Variants in GABRG3 observed in about 807,000 individuals in gnomAD.
GABRG3 encodes gamma-aminobutyric acid receptor subunit gamma-3.
Under a neutral mutation model 48.8 loss-of-function variants are expected in GABRG3, and 25 were observed. The ratio of observed to expected loss-of-function variants is 0.51; its 90% CI spans 0.37 to 0.72. The LOEUF is 0.72. Among genes scored for constraint, GABRG3 ranks in the 30% least tolerant of loss-of-function variants. The probability of loss-of-function intolerance (pLI) is 0.00; values close to 1 mark genes in which losing one functional copy is unlikely to be tolerated. For missense variants in GABRG3, 394 were observed against 577.9 expected, an observed-to-expected ratio of 0.68 and a Z score of 3.26; for synonymous variants, 227 against 217.6, an observed-to-expected ratio of 1.04 and a Z score of -0.38.
At chr15:27,007,182 C>T (rs140777714) in intron 2 of GABRG3, among the ~76,000 whole-genome samples, 8 of 151,660 alleles carry the variant, frequency 5.3e-5, no homozygotes, top group Middle Eastern at 3.4e-3. Context: ...CAGGCTCAAG[C>T]GATCCTCCCA....
intron 5 of GABRG3, among the ~76,000 whole-genome samples, chr15:27,391,995 A>C (rs1443418243): frequency 6.6e-6 from 1 of 152,232 alleles, no homozygotes; most frequent in East Asian, 1.9e-4. Context: ...GTCCTGGTAC[A>C]TACCTTTGCT....
chr15:27,312,924 A>C (rs1318123758), intron 3 of GABRG3, among the ~76,000 whole-genome samples: 2 of 151,004 alleles, frequency 1.3e-5, no homozygotes, highest in African/African-American at 4.9e-5. Flanking sequence ...TCTAAAAGTT[A>C]AAAAAAAGTA....
In GABRG3 at chr15:27,308,195, C is replaced by CGT. The variant is rs1555370270; in HGVS notation, c.271-18614_271-18613insGT. ...GTTTATATATCCAAACATATATAAACATGTTTATATATCCAAACATATATA... is the reference window on the plus strand; with the variant it reads ...GTTTATATATCCAAACATATATAAACGTATGTTTATATATCCAAACATATATA... On this transcript the variant is annotated intron_variant, in intron 3 of 9. Coordinates refer to ENST00000615808, the MANE Select transcript of GABRG3 (RefSeq NM_033223.5). Among the ~76,000 whole-genome samples, 18 of 25,070 alleles carry CGT rather than the reference C, an allele frequency of 7.2e-4. 5 individuals carry two copies. The highest frequency in any genetic ancestry group is 3.6e-3 in the African/African-American group (18 of 4,942). The allele number at this position is 25,070 out of a possible 152,430, so 16.4% of individuals were successfully genotyped here. A position where few individuals can be genotyped will look rare whatever the true frequency, so the allele number is the denominator to read the frequency against.
At chr15:27,003,752 G>A (rs1374433948) in intron 2 of GABRG3, among the ~76,000 whole-genome samples, 4 of 152,114 alleles carry the variant, frequency 2.6e-5, no homozygotes, top group Non-Finnish European at 1.5e-5. Flanking sequence ...CCTCCCAGAC[G>A]GGGTGGTGGC....
At chr15:27,032,275 G>C (rs1896099911) in intron 3 of GABRG3, among the ~76,000 whole-genome samples, 1 of 152,134 alleles carries the variant, frequency 6.6e-6, no homozygotes, top group South Asian at 2.1e-4. Context: ...CTTGCAATCT[G>C]TTTTCTGGAA....
At chr15:27,206,495 G>T (rs1013108381) in intron 3 of GABRG3, among the ~76,000 whole-genome samples, 4 of 152,158 alleles carry the variant, frequency 2.6e-5, no homozygotes, top group Admixed American at 6.5e-5. Flanking sequence ...GTTAGAGTAT[G>T]TGGCGTGTGC....
chr15:27,362,682 ACT>A (rs1007869128), intron 5 of GABRG3: 1 of 152,132 alleles, frequency 6.6e-6, no homozygotes, highest in Non-Finnish European at 1.5e-5. Context: ...CACCAGGAAC[ACT>A]CTGCTCAGCA....
intron 2 of GABRG3, among the ~76,000 whole-genome samples, chr15:27,019,350 A>G (rs141150387): frequency 0.015 from 2,243 of 152,134 alleles, 46 homozygotes; most frequent in African/African-American, 0.05. Context: ...GATTACAGGC[A>G]TGAGCCACCG....
chr15:27,382,566 T>C (rs1895806432), intron 5 of GABRG3, among the ~76,000 whole-genome samples: 1 of 152,170 alleles, frequency 6.6e-6, no homozygotes, highest in African/African-American at 2.4e-5. Flanking sequence ...AGGCATGACT[T>C]GATTCATGCT....
At chr15:27,285,031 G>T in intron 3 of GABRG3, among the ~76,000 whole-genome samples, 1 of 152,046 alleles carries the variant, frequency 6.6e-6, no homozygotes, top group East Asian at 1.9e-4. Flanking sequence ...TTTTACTTTG[G>T]ATATAATAAA....
At chr15:27,071,191 A>G (rs560793750) in intron 3 of GABRG3, among the ~76,000 whole-genome samples, 4 of 152,154 alleles carry the variant, frequency 2.6e-5, no homozygotes, top group Admixed American at 2.6e-4. Flanking sequence ...CTGTGTTGAT[A>G]TTGTCATTTT....
At chr15:27,113,968 C>G (rs1897599509) in intron 3 of GABRG3, among the ~76,000 whole-genome samples, 1 of 152,192 alleles carries the variant, frequency 6.6e-6, no homozygotes, top group South Asian at 2.1e-4. Context: ...TTAAAAAATA[C>G]CTTTCTAAAG....
intron 2 of GABRG3, among the ~76,000 whole-genome samples, chr15:26,998,567 A>T (rs1336125519): frequency 1.3e-5 from 2 of 152,094 alleles, no homozygotes; most frequent in African/African-American, 4.8e-5. Context: ...ACTCCCCCTA[A>T]CTATGAGGAA....
At position 27,348,132 on chromosome 15, in the gene GABRG3, G is replaced by A. The variant is rs138743749; in HGVS notation, c.574+19244G>A. Among the ~76,000 whole-genome samples the A allele has an allele frequency of 5.7e-3, 654 of 115,166 alleles. 9 individuals carry two copies. The highest frequency in any genetic ancestry group is 0.025 in the African/African-American group (620 of 25,222). The allele number at this position is 115,166 out of a possible 152,430, so 75.6% of individuals were successfully genotyped here. A position where few individuals can be genotyped will look rare whatever the true frequency, so the allele number is the denominator to read the frequency against. On this transcript the variant is annotated intron_variant, in intron 5 of 9. Transcript: ENST00000615808. ...GATCATGCCATTGCACTCCAGCCTG[G>A]GTGACAGAGCGAGACTCCATCTCAA...
At chr15:27,275,679 T>A (rs1395615851) in intron 3 of GABRG3, among the ~76,000 whole-genome samples, 1 of 152,246 alleles carries the variant, frequency 6.6e-6, no homozygotes, top group Non-Finnish European at 1.5e-5. Flanking sequence ...AAAATGTATC[T>A]TCTTGTTAAG....
rs909756368 is a variant in GABRG3, at chr15:27,319,222, G to GA, written c.271-7580dup. 7.9e-5 allele frequency among the ~76,000 whole-genome samples: 12 copies of GA among 152,198 alleles called. No homozygotes were observed. The highest frequency in any genetic ancestry group is 2.2e-4 in the African/African-American group (9 of 41,544). ...AATTCTAGCTCAGTAAAGCCAGGGGGAAAAAAATGTCTGAAACCAACAAGG... is the reference window on the plus strand; with the variant it reads ...AATTCTAGCTCAGTAAAGCCAGGGGGAAAAAAAATGTCTGAAACCAACAAGG... On this transcript the variant is annotated intron_variant, in intron 3 of 9. Coordinates refer to ENST00000615808, the MANE Select transcript of GABRG3 (RefSeq NM_033223.5). This position sits in a 1 kb window ranked among gnomAD's most constrained non-coding sequence, Gnocchi z 4.4.
intron 5 of GABRG3, among the ~76,000 whole-genome samples, chr15:27,431,331 T>C (rs1170518681): frequency 6.6e-6 from 1 of 152,224 alleles, no homozygotes; most frequent in Non-Finnish European, 1.5e-5. Flanking sequence ...TTCAGATTTT[T>C]CATTGCTATT....
At chr15:27,358,596 C>T (rs1441846371) in intron 5 of GABRG3, among the ~76,000 whole-genome samples, 1 of 149,262 alleles carries the variant, frequency 6.7e-6, no homozygotes, top group Non-Finnish European at 1.5e-5. Context: ...CCCCTTATTC[C>T]GTCCTTCCTG....
chr15:27,087,176 C>T (rs920415515), intron 3 of GABRG3, among the ~76,000 whole-genome samples: 5 of 152,198 alleles, frequency 3.3e-5, no homozygotes, highest in African/African-American at 1.2e-4. Flanking sequence ...TTGAGCTGAT[C>T]GAAACCACAC....
Sources: allele counts gnomAD v4.1 joint callset (sites outside exome capture counted in the v4.1 genomes callset), GRCh38; gene constraint gnomAD v4.1.1; non-coding constraint Gnocchi (gnomAD v3.1); transcripts MANE v1.5; gene names NCBI Gene and HGNC (gene_info 2026-07-23, HGNC 2026-07-21).